CALN1: variants seen among roughly 807,000 people sequenced by gnomAD.
The protein encoded by CALN1 is calcium-binding protein 8.
A neutral mutation model predicts 30.6 loss-of-function variants in CALN1; 17 were observed. The observed-to-expected ratio is 0.56, with a 90% CI of 0.38 to 0.83. The LOEUF is 0.83. Ranked by LOEUF, CALN1 falls within the 40% of genes least tolerant of loss-of-function variation. The pLI, the probability that CALN1 is intolerant of heterozygous loss-of-function variation, is 0.00. For synonymous variants in CALN1, 156 were observed against 131.4 expected, an observed-to-expected ratio of 1.19 and a Z score of -1.28; for missense variants, 291 against 354.9, an observed-to-expected ratio of 0.82 and a Z score of 1.45.
intron 3 of CALN1, among the ~76,000 whole-genome samples, chr7:72,270,493 T>A (rs1185767509): frequency 2.0e-5 from 3 of 152,226 alleles, no homozygotes; most frequent in Non-Finnish European, 2.9e-5. Context: ...AAGCCAAGGC[T>A]GGGTGTGGTG....
At chr7:72,238,967 G>A (rs1794660548) in intron 3 of CALN1, among the ~76,000 whole-genome samples, 1 of 152,184 alleles carries the variant, frequency 6.6e-6, no homozygotes, top group Admixed American at 6.5e-5. Context: ...GACAAAGCTA[G>A]GAAGCAGGAG....
At chr7:71,860,629 C>T (rs1791217161) in intron 5 of CALN1, among the ~76,000 whole-genome samples, 1 of 152,160 alleles carries the variant, frequency 6.6e-6, no homozygotes, top group Non-Finnish European at 1.5e-5. Context: ...TTGGTAACAA[C>T]AACACTAATA....
At chr7:71,839,282 C>G (rs1301932906) in intron 5 of CALN1, among the ~76,000 whole-genome samples, 1 of 152,106 alleles carries the variant, frequency 6.6e-6, no homozygotes, top group East Asian at 1.9e-4. Context: ...CCTGTAATTC[C>G]AGCACTTTGG....
At chr7:72,142,868 C>A (rs1249645752) in intron 3 of CALN1, among the ~76,000 whole-genome samples, 1 of 152,172 alleles carries the variant, frequency 6.6e-6, no homozygotes, top group East Asian at 1.9e-4. Flanking sequence ...CAAACAAGGT[C>A]TGGAGTGGAC....
chr7:72,129,004 T>G (rs893590639), intron 3 of CALN1, among the ~76,000 whole-genome samples: 1 of 152,088 alleles, frequency 6.6e-6, no homozygotes, highest in Non-Finnish European at 1.5e-5. Context: ...ATTAAAAAAT[T>G]TATATATATA....
Position 71,958,973 on chromosome 7 carries a change from C to T in CALN1, c.501+64684G>A, listed in dbSNP as rs187173993. ...CTTCTCCGAGTGGCTTTCCTTATGACGGGAAACCTGGAGTATCAGGCTTTC... is the reference window on the plus strand; with the variant it reads ...CTTCTCCGAGTGGCTTTCCTTATGATGGGAAACCTGGAGTATCAGGCTTTC... On this transcript the variant is annotated intron_variant, in intron 5 of 6. Transcript: ENST00000395275. Among the ~76,000 whole-genome samples the T allele has an allele frequency of 3.5e-3, 533 of 152,314 alleles. 5 individuals carry two copies. The highest frequency in any genetic ancestry group is 4.0e-3 in the Non-Finnish European group (272 of 68,020).
intron 3 of CALN1, among the ~76,000 whole-genome samples, chr7:72,242,522 TA>T (rs1237151372): frequency 6.6e-6 from 1 of 152,176 alleles, no homozygotes; most frequent in Non-Finnish European, 1.5e-5. Context: ...TACCTACTCA[TA>T]AACAATTCAA....
chr7:72,283,914 A>C (rs1797901470), intron 2 of CALN1, among the ~76,000 whole-genome samples: 1 of 152,232 alleles, frequency 6.6e-6, no homozygotes, highest in Non-Finnish European at 1.5e-5. Flanking sequence ...GTCATATCAA[A>C]GAAAAGATCT....
chr7:72,284,511 C>T (rs749314255), intron 2 of CALN1, among the ~76,000 whole-genome samples: 3 of 115,854 alleles, frequency 2.6e-5, no homozygotes, highest in African/African-American at 8.0e-5. Context: ...TTCTCCTCCC[C>T]AGTGTGGGTG....
intron 3 of CALN1, among the ~76,000 whole-genome samples, chr7:72,124,833 A>G (rs1051191058): frequency 6.6e-6 from 1 of 152,148 alleles, no homozygotes; most frequent in African/African-American, 2.4e-5. Flanking sequence ...TGATATGTGA[A>G]AAGTTTTACC....
At chr7:72,273,849 A>G (rs1797166171) in intron 3 of CALN1, among the ~76,000 whole-genome samples, 1 of 152,102 alleles carries the variant, frequency 6.6e-6, no homozygotes, top group African/African-American at 2.4e-5. Flanking sequence ...TTACTGACAA[A>G]TACTGAGCCT....
chr7:72,211,447 AG>A (rs1488461113), intron 3 of CALN1, among the ~76,000 whole-genome samples: 1 of 152,014 alleles, frequency 6.6e-6, no homozygotes, highest in Admixed American at 6.6e-5. Flanking sequence ...TCAGCAAGAA[AG>A]GAGAGATCAC....
chr7:72,314,897 C>G (rs1467439913), intron 2 of CALN1, among the ~76,000 whole-genome samples: 3 of 149,030 alleles, frequency 2.0e-5, no homozygotes, highest in Non-Finnish European at 3.0e-5. Flanking sequence ...CCTGTAAACC[C>G]AGCACTTTGG....
intron 5 of CALN1, among the ~76,000 whole-genome samples, chr7:71,933,377 G>A (rs1031513742): frequency 6.6e-6 from 1 of 152,184 alleles, no homozygotes; most frequent in Non-Finnish European, 1.5e-5. Context: ...TCTGGTGAAC[G>A]CCGCCGCCGG....
At chr7:71,963,947 CCT>C (rs1259436937) in intron 5 of CALN1, among the ~76,000 whole-genome samples, 1 of 152,058 alleles carries the variant, frequency 6.6e-6, no homozygotes, top group East Asian at 1.9e-4. Flanking sequence ...ATTCTTATCC[CCT>C]CTGATATACT....
chr7:72,068,710 C>T (rs1804192455), intron 4 of CALN1, among the ~76,000 whole-genome samples: 1 of 152,164 alleles, frequency 6.6e-6, no homozygotes, highest in African/African-American at 2.4e-5. Flanking sequence ...AGGCTGGTCT[C>T]GAACTCCTGG....
intron 2 of CALN1, among the ~76,000 whole-genome samples, chr7:72,396,224 C>CTTTTTTTTTTTT (rs1295562058): frequency 1.2e-5 from 1 of 84,666 alleles, no homozygotes; most frequent in Non-Finnish European, 2.2e-5. Context: ...TGGTGAAACT[C>CTTTTTTTTTTTT]TTGTCTCTAC....
At position 71,830,437 on chromosome 7, in the gene CALN1, G is replaced by A. The variant is rs747979568; in HGVS notation, c.502-19945C>T. On this transcript the variant is annotated intron_variant, in intron 5 of 6. Transcript: ENST00000395275. ...ATCTCGGCTCACTGCAACCTCTGCC[G>A]CCCAGGTTCAAGCAATTTTCCTGCC... Among the ~76,000 whole-genome samples, 13 of 151,868 alleles carry A rather than the reference G, an allele frequency of 8.6e-5. No individual in the cohort carries two copies. In the South Asian group the frequency reaches 2.7e-3, roughly 32 times the overall value.
intron 1 of CALN1, among the ~76,000 whole-genome samples, chr7:72,405,692 C>G (rs1293610385): frequency 6.6e-6 from 1 of 150,872 alleles, no homozygotes; most frequent in African/African-American, 2.5e-5. Flanking sequence ...ACAGGAGAAG[C>G]AAGTGTGTCA....
Sources: gnomAD v4.1 joint callset for allele counts (sites outside exome capture counted in the v4.1 genomes callset) on GRCh38, gnomAD v4.1.1 for gene constraint, MANE v1.5 for transcripts, NCBI Gene and HGNC (gene_info 2026-07-23, HGNC 2026-07-21) for gene names.